Variants in PCDHA2 observed in about 807,000 individuals in gnomAD.
PCDHA2 encodes the protein protocadherin alpha 2, also known as protocadherin alpha-2.
A neutral mutation model predicts 66.0 loss-of-function variants in PCDHA2; 58 were observed. That is an observed-to-expected ratio of 0.88 (90% CI 0.71 to 1.09). The LOEUF is 1.09. Ranked by LOEUF, PCDHA2 falls within the 50% of genes least tolerant of loss-of-function variation. PCDHA2 has a pLI of 0.00. For missense variants in PCDHA2, 1,267 were observed against 1,242.3 expected (o/e 1.02, Z -0.30); for synonymous variants, 634 against 554.0 (o/e 1.14, Z -2.03).
At chr5:140,803,687 T>C (rs1763263678) in intron 1 of PCDHA2, 1 of 1,565,258 alleles carries the variant, frequency 6.4e-7, no homozygotes, top group African/African-American at 1.4e-5. Context: ...TAAGTATGAA[T>C]TATGTGATTC....
At chr5:140,884,373 T>C (rs1554181483) in intron 1 of PCDHA2, 2 of 1,613,958 alleles carry the variant, frequency 1.2e-6, no homozygotes, top group South Asian at 2.2e-5. Context: ...TACTTGATCA[T>C]TGCCATCTGC....
intron 1 of PCDHA2, among the ~76,000 whole-genome samples, chr5:140,911,789 G>A (rs1399185754): frequency 6.6e-6 from 1 of 152,024 alleles, no homozygotes; most frequent in Non-Finnish European, 1.5e-5. Flanking sequence ...GCATTTTTGG[G>A]TCTAATCATA....
rs868907785 is a variant in PCDHA2, at chr5:140,803,601, T to A, written c.2388+6249T>A. The A allele has an allele frequency of 1.9e-6, 3 of 1,614,046 alleles. No individual in the cohort carries two copies. The South Asian group carries it at 3.3e-5, about 18-fold the overall frequency. ...TGATCTCTCAGCCAAAGTGAGTAAT[T>A]TTTATTTATTCTTTCCAAAATGTCT... On this transcript the variant is annotated intron_variant, in intron 1 of 3. Transcript: ENST00000526136.
intron 1 of PCDHA2, among the ~76,000 whole-genome samples, chr5:140,840,646 T>C (rs2150308439): frequency 9.2e-5 from 14 of 151,994 alleles, no homozygotes; most frequent in African/African-American, 3.4e-4. Context: ...AGAGAAATAG[T>C]GTAAAGAATA....
At chr5:140,869,837 C>G (rs374182289) in intron 1 of PCDHA2, 1 of 1,611,484 alleles carries the variant, frequency 6.2e-7, no homozygotes, top group African/African-American at 1.3e-5. Context: ...TTTGATAAAT[C>G]AGAATATAAG....
intron 1 of PCDHA2, among the ~76,000 whole-genome samples, chr5:140,941,193 T>TC (rs1554213826): frequency 4.3e-5 from 5 of 116,722 alleles, no homozygotes; most frequent in African/African-American, 1.7e-4. Flanking sequence ...TTCTTTTTTT[T>TC]TCTTTCTTCC....
At position 141,001,385 on chromosome 5, in the gene PCDHA2, T is replaced by A. The variant is rs540420313; in HGVS notation, c.2537-8242T>A. 3.9e-5 allele frequency among the ~76,000 whole-genome samples: 6 copies of A among 152,316 alleles called. No homozygotes were observed. The East Asian group carries it at 1.2e-3, about 29-fold the overall frequency. ...ACTATTCTGATTACAGAGCCTAAGA[T>A]CCTACAGAGAACAGGGAGTATATTT... On this transcript the variant is annotated intron_variant, in intron 3 of 3. Transcript: ENST00000526136.
chr5:140,966,435 C>G (rs1554228292), intron 1 of PCDHA2: 5 of 423,758 alleles, frequency 1.2e-5, no homozygotes, highest in African/African-American at 1.0e-4. Context: ...GCCCTCCTAC[C>G]GCTCCCTTTC....
intron 1 of PCDHA2, chr5:140,968,651 GA>G: frequency 6.2e-7 from 1 of 1,614,154 alleles, no homozygotes; most frequent in Non-Finnish European, 8.5e-7. Flanking sequence ...CCAGACTTCT[GA>G]CCTGGACCTC....
intron 1 of PCDHA2, chr5:140,804,987 G>A (rs1763488462): frequency 6.6e-6 from 10 of 1,518,174 alleles, no homozygotes; most frequent in Middle Eastern, 3.8e-4. Flanking sequence ...TCTCAGGTCA[G>A]TATTTTAAAA....
chr5:140,843,097 G>A lies in PCDHA2; in HGVS notation c.2388+45745G>A, dbSNP rs2150352521. 1.9e-6 allele frequency: 3 copies of A among 1,595,590 alleles called. 1 individual carries two copies. The highest frequency in any genetic ancestry group is 1.1e-5 in the South Asian group (1 of 90,512). On this transcript the variant is annotated intron_variant, in intron 1 of 3. Transcript: ENST00000526136. ...CTGTGGGCGCGGGCCACGTGGTAGCGAAGGTGCGCGCAGTGGACGCCGACT... is the reference window on the plus strand; with the variant it reads ...CTGTGGGCGCGGGCCACGTGGTAGCAAAGGTGCGCGCAGTGGACGCCGACT...
intron 1 of PCDHA2, 45 bp downstream of exon 1, chr5:140,797,397 T>C: frequency 6.4e-7 from 1 of 1,557,222 alleles, no homozygotes; most frequent in Non-Finnish European, 8.8e-7. Context: ...TTGTTCTTTT[T>C]AAAAAATTCT....
intron 3 of PCDHA2, among the ~76,000 whole-genome samples, chr5:140,992,147 G>A (rs1304729438): frequency 2.0e-5 from 3 of 151,714 alleles, no homozygotes; most frequent in Non-Finnish European, 4.4e-5. Context: ...TGCTAACTTT[G>A]CTCAATCAAG....
At chr5:140,848,251 T>C (rs1419799302) in intron 1 of PCDHA2, 3 of 465,726 alleles carry the variant, frequency 6.4e-6, no homozygotes, top group Non-Finnish European at 1.1e-5. Flanking sequence ...GCAGAATAAC[T>C]GTGAAATTTT....
rs2096830970 is a variant in PCDHA2, at chr5:140,978,991, A to C, written c.2431A>C (p.Arg811=). Residue 811 remains arginine, a synonymous_variant, in exon 2 of 4, where the codon AGA becomes CGA. Coordinates refer to ENST00000526136, the MANE Select transcript of PCDHA2 (RefSeq NM_018905.3). ...TGACTGGCGTTACTCTGCCTCCCTG[A>C]GAGCAGGCATGCACAGGTATGTATT... ...NPDWRYSASL[R]AGMHSSVHLE... is the part of the protein sequence containing the mutation. 1.2e-6 allele frequency: 2 copies of C among 1,614,188 alleles called. No individual in the cohort carries two copies. Among genetic ancestry groups the C allele is most frequent in the East Asian group, 2.2e-5 (1 of 44,882 alleles).
chr5:141,004,869 A>T (rs908726845), intron 3 of PCDHA2, among the ~76,000 whole-genome samples: 3 of 152,218 alleles, frequency 2.0e-5, no homozygotes, highest in Non-Finnish European at 2.9e-5. Flanking sequence ...TTTGTTTCTC[A>T]TCCCTAAAGT....
At chr5:140,884,390 T>C in intron 1 of PCDHA2, 7 of 1,613,968 alleles carry the variant, frequency 4.3e-6, no homozygotes, top group Middle Eastern at 1.6e-4. Context: ...CTGCGCGGTG[T>C]CCAGCCTGTT....
Position 140,807,950 on chromosome 5 carries a change from G to C in PCDHA2, c.2388+10598G>C, listed in dbSNP as rs201004244. ...TTATAAGGTGAGATTACTAGAAAATGTTCCTAATGGAACATTGGTAATTAA... is the reference window on the plus strand; with the variant it reads ...TTATAAGGTGAGATTACTAGAAAATCTTCCTAATGGAACATTGGTAATTAA... On this transcript the variant is annotated intron_variant, in intron 1 of 3. Coordinates refer to ENST00000526136, the MANE Select transcript of PCDHA2 (RefSeq NM_018905.3). The C allele has an allele frequency of 1.9e-4, 306 of 1,614,074 alleles. 1 individual carries two copies. In the South Asian group the frequency reaches 1.9e-3, roughly 10 times the overall value.
At chr5:140,799,880 A>G (rs1433202511) in intron 1 of PCDHA2, among the ~76,000 whole-genome samples, 1 of 151,992 alleles carries the variant, frequency 6.6e-6, no homozygotes, top group Non-Finnish European at 1.5e-5. Context: ...CTTTCCATAA[A>G]TTTTCTTTGC....
Sources: allele counts gnomAD v4.1 joint callset (sites outside exome capture counted in the v4.1 genomes callset), GRCh38; gene constraint gnomAD v4.1.1; transcripts MANE v1.5; gene names NCBI Gene and HGNC (gene_info 2026-07-23, HGNC 2026-07-21).